PARD3: variants seen among roughly 807,000 people sequenced by gnomAD.
PARD3 encodes the protein partitioning defective 3 homolog.
In PARD3, 75 loss-of-function variants were observed where a neutral mutation model predicts 155.4. The observed-to-expected ratio is 0.48, with a 90% confidence interval of 0.40 to 0.58. The LOEUF is 0.58. PARD3 is among the 20% of genes least tolerant of loss of function. The probability of loss-of-function intolerance (pLI) is 0.00; values close to 1 mark genes in which losing one functional copy is unlikely to be tolerated. For synonymous variants in PARD3, 576 were observed against 610.5 expected (o/e 0.94, Z 0.83); for missense variants, 1,642 against 1,721.7 (o/e 0.95, Z 0.82).
At chr10:34,386,306 G>A (rs1024843369) in intron 7 of PARD3, among the ~76,000 whole-genome samples, 1 of 152,016 alleles carries the variant, frequency 6.6e-6, no homozygotes, top group Non-Finnish European at 1.5e-5. Context: ...GCTATATAAA[G>A]ACATAAAATT....
chr10:34,810,451 T>A (rs997005158), intron 1 of PARD3, among the ~76,000 whole-genome samples: 75 of 152,124 alleles, frequency 4.9e-4, no homozygotes, highest in African/African-American at 1.7e-3. Flanking sequence ...TGCTATTAAA[T>A]CACTCTAAAG....
At chr10:34,317,032 G>A (rs1958051209) in intron 20 of PARD3, 75 bp downstream of exon 20, 2 of 1,395,022 alleles carry the variant, frequency 1.4e-6, no homozygotes, top group South Asian at 1.5e-5. Context: ...ACCGTGTCCA[G>A]TTTTTAGTAC....
At position 34,131,489 on chromosome 10, in the gene PARD3, G is replaced by T. The variant is rs780865181; in HGVS notation, c.3514C>A (p.Arg1172=). 1.2e-6 allele frequency: 2 copies of T among 1,613,940 alleles called. No individual in the cohort carries two copies. Among genetic ancestry groups the T allele is most frequent in the East Asian group, 2.2e-5 (1 of 44,882 alleles). The stretch of plus-strand genomic sequence containing the variant: ...CAGGGTTGCTCAAAACTATAGGTCC[G>T]CCGACGATCTTCTACATCTTCATCT... ...KQDEDVEDRR[R]TYSFEQPWPN... Residue 1172 remains arginine (R), a synonymous_variant, in exon 23 of 25, where the codon CGG becomes AGG. Coordinates refer to ENST00000374788, the MANE Select transcript of PARD3 (RefSeq NM_001184785.2).
intron 22 of PARD3, among the ~76,000 whole-genome samples, chr10:34,162,641 A>T (rs1452647926): frequency 6.6e-6 from 1 of 152,190 alleles, no homozygotes; most frequent in Non-Finnish European, 1.5e-5. Flanking sequence ...ATCAACTAGA[A>T]TTGTGTTATG....
chr10:34,396,685 G>A (rs753926158), intron 7 of PARD3, among the ~76,000 whole-genome samples: 2 of 152,100 alleles, frequency 1.3e-5, no homozygotes, highest in Non-Finnish European at 2.9e-5. Flanking sequence ...GCCCAAGAAT[G>A]ACTGGAGTTT....
intron 2 of PARD3, among the ~76,000 whole-genome samples, chr10:34,620,905 A>G (rs963633518): frequency 4.6e-5 from 7 of 152,228 alleles, no homozygotes; most frequent in Non-Finnish European, 8.8e-5. Context: ...ATTTTGCTAC[A>G]TGTGTTCTTT....
At chr10:34,316,127 G>C (rs1197391911) in intron 20 of PARD3, among the ~76,000 whole-genome samples, 1 of 152,130 alleles carries the variant, frequency 6.6e-6, no homozygotes, top group East Asian at 1.9e-4. Context: ...TTAAAAAAAA[G>C]TTTTTAAAAA....
At chr10:34,653,575 G>C (rs1043833190) in intron 2 of PARD3, among the ~76,000 whole-genome samples, 1 of 152,076 alleles carries the variant, frequency 6.6e-6, no homozygotes, top group Non-Finnish European at 1.5e-5. Context: ...ATCCAGGTTT[G>C]CAAGGTAAAG....
At chr10:34,394,459 G>A (rs1843135827) in intron 7 of PARD3, among the ~76,000 whole-genome samples, 1 of 152,172 alleles carries the variant, frequency 6.6e-6, no homozygotes, top group African/African-American at 2.4e-5. Flanking sequence ...CCAAGTGGCT[G>A]GGACCATAGG....
At chr10:34,595,018 G>C (rs2089119868) in intron 2 of PARD3, among the ~76,000 whole-genome samples, 1 of 152,134 alleles carries the variant, frequency 6.6e-6, no homozygotes, top group African/African-American at 2.4e-5. Flanking sequence ...AGCTACAGTA[G>C]ACATGTAGCA....
intron 7 of PARD3, among the ~76,000 whole-genome samples, chr10:34,392,523 C>A (rs1210038410): frequency 1.3e-5 from 2 of 152,184 alleles, no homozygotes; most frequent in Non-Finnish European, 2.9e-5. Flanking sequence ...GCCAGACCCA[C>A]ACCCAGAGTC....
chr10:34,337,481 A>G, intron 16 of PARD3, 55 bp from the exon 17 acceptor site: 1 of 1,229,312 alleles, frequency 8.1e-7, no homozygotes, highest in Non-Finnish European at 1.1e-6. Context: ...GCACGCATCC[A>G]TTTTAGGGAG....
intron 2 of PARD3, among the ~76,000 whole-genome samples, chr10:34,575,218 T>C (rs778626043): frequency 1.6e-4 from 24 of 152,172 alleles, no homozygotes; most frequent in Non-Finnish European, 3.1e-4. Context: ...AGATTCAACA[T>C]CCCAGAATTT....
intron 5 of PARD3, among the ~76,000 whole-genome samples, chr10:34,439,001 AAGAG>A (rs2076327323): frequency 6.6e-6 from 1 of 152,086 alleles, no homozygotes; most frequent in Non-Finnish European, 1.5e-5. Flanking sequence ...AAAGTTCTAG[AAGAG>A]AGAGAGAAAA....
intron 1 of PARD3, among the ~76,000 whole-genome samples, chr10:34,727,072 C>A (rs2094727400): frequency 1.3e-5 from 2 of 152,226 alleles, no homozygotes; most frequent in Non-Finnish European, 2.9e-5. Flanking sequence ...TACCATTACA[C>A]TATCCTTAGA....
chr10:34,442,563 G>A (rs1360309367), intron 5 of PARD3, among the ~76,000 whole-genome samples: 2 of 151,874 alleles, frequency 1.3e-5, no homozygotes, highest in Admixed American at 6.6e-5. Context: ...CCTCACATTC[G>A]TTAAAAAAAA....
chr10:34,322,239 C>T (rs2134167453), intron 19 of PARD3, among the ~76,000 whole-genome samples: 1 of 152,214 alleles, frequency 6.6e-6, no homozygotes, highest in Non-Finnish European at 1.5e-5. Flanking sequence ...AGCAATAAGA[C>T]AGTAAAAGGC....
intron 2 of PARD3, among the ~76,000 whole-genome samples, chr10:34,581,604 G>A (rs2087496490): frequency 6.6e-6 from 1 of 152,114 alleles, no homozygotes; most frequent in African/African-American, 2.4e-5. Context: ...GGAAGTGAAA[G>A]GAAACAGTAT....
At chr10:34,212,614 C>A (rs991143942) in intron 22 of PARD3, among the ~76,000 whole-genome samples, 2 of 151,826 alleles carry the variant, frequency 1.3e-5, no homozygotes, top group Middle Eastern at 3.4e-3. Flanking sequence ...CCTGGTGCGC[C>A]CTACAGCCCC....
Sources: allele counts gnomAD v4.1 joint callset (sites outside exome capture counted in the v4.1 genomes callset), GRCh38; gene constraint gnomAD v4.1.1; transcripts MANE v1.5; gene names NCBI Gene and HGNC (gene_info 2026-07-23, HGNC 2026-07-21).